Variants in LRCH2 observed in about 807,000 individuals in gnomAD.
The protein encoded by LRCH2 is leucine-rich repeat and calponin homology domain-containing protein 2.
Under a neutral mutation model 68.9 loss-of-function variants are expected in LRCH2, and 38 were observed. The ratio of observed to expected loss-of-function variants is 0.55; its 90% CI spans 0.43 to 0.72. LRCH2 has a LOEUF of 0.72. Ranked by LOEUF, LRCH2 falls within the 30% of genes least tolerant of loss-of-function variation. The probability of loss-of-function intolerance (pLI) is 0.00; values close to 1 mark genes in which losing one functional copy is unlikely to be tolerated. For synonymous variants in LRCH2, 191 were observed against 208.1 expected (o/e 0.92, Z 0.71); for missense variants, 528 against 572.9 (o/e 0.92, Z 0.80).
chrX:115,128,858 C>T (rs2072219934), intron 15 of LRCH2, among the ~76,000 whole-genome samples: 1 of 111,588 alleles, frequency 9.0e-6, no homozygotes, highest in African/African-American at 3.3e-5. Flanking sequence ...CTTCATTGCT[C>T]AGTCCATACC....
At chrX:115,225,417 T>C (rs1438670754) in intron 1 of LRCH2, among the ~76,000 whole-genome samples, 1 of 111,495 alleles carries the variant, frequency 9.0e-6, no homozygotes, top group Non-Finnish European at 1.9e-5. Context: ...ATAATCCATA[T>C]GTAAAAACAG....
rs1163515341 is a variant in LRCH2 at position 115,191,898 on chromosome X, G to A, written c.350-3528C>T. The A allele has an allele frequency of 2.7e-5, 31 of 1,163,150 alleles. No homozygotes were observed. In the Admixed American group the frequency reaches 7.8e-4, roughly 29 times the overall value. ...CCTGCAGAGGAGGAGGCCGCTACGAGGAGAACCGAGGTCACTCTCTCGATG... is the reference window on the plus strand; with the variant it reads ...CCTGCAGAGGAGGAGGCCGCTACGAAGAGAACCGAGGTCACTCTCTCGATG... On this transcript the variant is annotated intron_variant, in intron 1 of 20. Transcript: ENST00000317135.
chrX:115,214,304 G>A (rs1194221210), intron 1 of LRCH2, among the ~76,000 whole-genome samples: 1 of 112,185 alleles, frequency 8.9e-6, no homozygotes, highest in Non-Finnish European at 1.9e-5. Flanking sequence ...TGCAAGGATG[G>A]AAAGTGTCTT....
At chrX:115,152,297 C>T (rs1307237713) in intron 12 of LRCH2, among the ~76,000 whole-genome samples, 1 of 111,431 alleles carries the variant, frequency 9.0e-6, no homozygotes, top group African/African-American at 3.3e-5. Context: ...GTAATTTAAC[C>T]ATATCCCAGA....
At chrX:115,173,664 C>T (rs1404631042) in intron 5 of LRCH2, among the ~76,000 whole-genome samples, 2 of 111,558 alleles carry the variant, frequency 1.8e-5, no homozygotes, top group African/African-American at 6.5e-5. Context: ...TGACTGAACT[C>T]CCAAATTTAA....
In LRCH2 at chrX:115,177,036, C is replaced by T. The variant is rs1259959983; in HGVS notation, c.864+2391G>A. Reference sequence around the variant, plus strand: ...TGCTGCAATTACAAGTGTGAGCCACCGCACCCAGCCTTTTTTTTTTTTTTT... The same window carrying T: ...TGCTGCAATTACAAGTGTGAGCCACTGCACCCAGCCTTTTTTTTTTTTTTT... On this transcript the variant is annotated intron_variant, in intron 5 of 20. Transcript: ENST00000317135. Among the ~76,000 whole-genome samples the T allele has an allele frequency of 8.0e-5, 8 of 99,614 alleles. No homozygotes were observed. The South Asian group carries it at 1.5e-3, about 19-fold the overall frequency. 86.5% of individuals were successfully genotyped at this position (99,614 alleles called of 115,157 possible).
intron 14 of LRCH2, among the ~76,000 whole-genome samples, chrX:115,141,166 G>C (rs1224514904): frequency 2.8e-5 from 3 of 107,743 alleles, no homozygotes; most frequent in Admixed American, 9.8e-5. Context: ...TGAACCTTGG[G>C]GATGGAGCTT....
intron 14 of LRCH2, among the ~76,000 whole-genome samples, chrX:115,140,761 G>A (rs782452255): frequency 2.7e-5 from 3 of 111,919 alleles, no homozygotes; most frequent in Non-Finnish European, 3.8e-5. Flanking sequence ...TCTACCTGTG[G>A]AAAGGGGAAA....
chrX:115,218,573 T>C (rs1286751405), intron 1 of LRCH2, among the ~76,000 whole-genome samples: 1 of 112,546 alleles, frequency 8.9e-6, no homozygotes, highest in East Asian at 2.8e-4. Context: ...ATTGTTTGTT[T>C]TTTGCAACCA....
chrX:115,216,242 T>A (rs186283813), intron 1 of LRCH2, among the ~76,000 whole-genome samples: 100 of 111,672 alleles, frequency 9.0e-4, no homozygotes, highest in Non-Finnish European at 1.5e-3. Flanking sequence ...AGTGCAGCAA[T>A]AGTTTTCTTT....
intron 2 of LRCH2, among the ~76,000 whole-genome samples, chrX:115,187,165 A>C (rs782389033): frequency 9.0e-6 from 1 of 111,678 alleles, no homozygotes; most frequent in South Asian, 3.7e-4. Flanking sequence ...TTTCAGTTAA[A>C]ATAGCTTGTA....
intron 5 of LRCH2, among the ~76,000 whole-genome samples, chrX:115,174,598 CCCCCACA>C (rs1483056605): frequency 2.0e-5 from 2 of 98,060 alleles, no homozygotes; most frequent in Non-Finnish European, 4.1e-5. Context: ...CACACCCCCC[CCCCCACA>C]CACACACACA....
intron 1 of LRCH2, chrX:115,192,765 C>T (rs2072855872): frequency 2.9e-6 from 2 of 687,823 alleles, no homozygotes; most frequent in Non-Finnish European, 4.3e-6. Context: ...TAAGAATTTC[C>T]TGTTAAGATC....
intron 12 of LRCH2, among the ~76,000 whole-genome samples, chrX:115,154,405 T>C (rs782197602): frequency 1.8e-5 from 2 of 111,932 alleles, no homozygotes; most frequent in East Asian, 5.6e-4. Flanking sequence ...CAACTTAACA[T>C]AGTTGACATT....
intron 1 of LRCH2, among the ~76,000 whole-genome samples, chrX:115,232,039 T>C (rs2073155987): frequency 9.0e-6 from 1 of 111,083 alleles, no homozygotes; most frequent in African/African-American, 3.3e-5. Context: ...CAGATGATCT[T>C]GTACAAAGAT....
chrX:115,122,728 T>C, intron 19 of LRCH2, 32 bp downstream of exon 19: 8 of 1,202,229 alleles, frequency 6.7e-6, no homozygotes, highest in Non-Finnish European at 9.0e-6. Context: ...TATCTTCCTT[T>C]AGAGAACTAA....
At chrX:115,182,485 T>A (rs905447411) in intron 3 of LRCH2, among the ~76,000 whole-genome samples, 2 of 111,291 alleles carry the variant, frequency 1.8e-5, no homozygotes, top group African/African-American at 3.3e-5. Flanking sequence ...AAGTAAAAAG[T>A]CATAAAAAGG....
In LRCH2 at chrX:115,222,405, C is replaced by T. The variant is rs143478777; in HGVS notation, c.349+11288G>A. On this transcript the variant is annotated intron_variant, in intron 1 of 20. Coordinates refer to ENST00000317135, the MANE Select transcript of LRCH2 (RefSeq NM_020871.4). ...ACATTATTGAAACTAGAAGTTCTAA[C>T]GGGGACAATTAGGCAAGAAACAGAA... Among the ~76,000 whole-genome samples, 200 of 111,684 alleles carry T rather than the reference C, an allele frequency of 1.8e-3. 1 individual carries two copies. The highest frequency in any genetic ancestry group is 0.014 in the East Asian group (51 of 3,540).
At chrX:115,214,117 T>G (rs2073026148) in intron 1 of LRCH2, among the ~76,000 whole-genome samples, 1 of 112,338 alleles carries the variant, frequency 8.9e-6, no homozygotes, top group Non-Finnish European at 1.9e-5. Context: ...AATTAAATGT[T>G]CTCTGTTCTT....
Sources: allele counts gnomAD v4.1 joint callset (sites outside exome capture counted in the v4.1 genomes callset), GRCh38; gene constraint gnomAD v4.1.1; transcripts MANE v1.5; gene names NCBI Gene and HGNC (gene_info 2026-07-23, HGNC 2026-07-21).